Variants in IL33 observed in about 807,000 individuals in gnomAD.
IL33 encodes interleukin-33.
Under a neutral mutation model 27.3 loss-of-function variants are expected in IL33, and 37 were observed. That is an observed-to-expected ratio of 1.36 (90% confidence interval 1.04 to 1.78). IL33 has a LOEUF of 1.78. IL33 is among the 40% of genes most tolerant of loss of function. IL33 has a pLI of 0.00. For missense variants in IL33, 406 were observed against 311.4 expected (o/e 1.30, Z -2.29); for synonymous variants, 132 against 102.9 (o/e 1.28, Z -1.71).
intron 1 of IL33, among the ~76,000 whole-genome samples, chr9:6,222,013 G>A (rs1258226701): frequency 6.6e-6 from 1 of 152,168 alleles, no homozygotes; most frequent in African/African-American, 2.4e-5. Context: ...AGCTGGAGTA[G>A]CCCACAAAGG....
chr9:6,232,354 C>T (rs1818966187), intron 1 of IL33, among the ~76,000 whole-genome samples: 1 of 152,182 alleles, frequency 6.6e-6, no homozygotes, highest in African/African-American at 2.4e-5. Flanking sequence ...ATATTTCTCA[C>T]TGTTGTTGTT....
At chr9:6,216,106 C>T (rs1423463695) in intron 1 of IL33, among the ~76,000 whole-genome samples, 2 of 151,384 alleles carry the variant, frequency 1.3e-5, no homozygotes, top group Admixed American at 6.6e-5. Context: ...TAAATTCTGC[C>T]CCCTCCATGA....
At chr9:6,245,140 AT>A (rs201531327) in intron 2 of IL33, among the ~76,000 whole-genome samples, 3,630 of 152,328 alleles carry the variant, frequency 0.024, 61 homozygotes, top group Middle Eastern at 0.048. Flanking sequence ...AGCCGTCTTC[AT>A]TCATGGATCT....
intron 1 of IL33, among the ~76,000 whole-genome samples, chr9:6,240,227 G>T (rs1819452586): frequency 6.6e-6 from 1 of 152,060 alleles, no homozygotes; most frequent in African/African-American, 2.4e-5. Flanking sequence ...CAAAGTGGTT[G>T]GTGTGCATTT....
At chr9:6,217,377 G>A (rs1259708832) in intron 1 of IL33, among the ~76,000 whole-genome samples, 5 of 151,994 alleles carry the variant, frequency 3.3e-5, no homozygotes, top group African/African-American at 1.2e-4. Flanking sequence ...TTACCAAGGT[G>A]GTTTACTTTT....
At chr9:6,232,706 T>G (rs1818983675) in intron 1 of IL33, among the ~76,000 whole-genome samples, 1 of 152,182 alleles carries the variant, frequency 6.6e-6, no homozygotes, top group African/African-American at 2.4e-5. Flanking sequence ...AACTAATCTC[T>G]TTCCTTTCTG....
chr9:6,243,643 C>T (rs552112065), intron 2 of IL33, among the ~76,000 whole-genome samples: 1 of 152,324 alleles, frequency 6.6e-6, no homozygotes, highest in African/African-American at 2.4e-5. Flanking sequence ...GCATGAACCA[C>T]CGCACTTGGC....
At chr9:6,232,969 A>C (rs1818997874) in intron 1 of IL33, among the ~76,000 whole-genome samples, 2 of 152,210 alleles carry the variant, frequency 1.3e-5, no homozygotes, top group Non-Finnish European at 2.9e-5. Context: ...CATTTAAAAA[A>C]TTCCTTTTTG....
Position 6,256,533 on chromosome 9 carries a change from A to G in IL33, c.*365A>G, listed in dbSNP as rs1393653577. ...AGAGCCATAGCTTAAGTCTCTATGT[A>G]GACAGGGATCCATTTTAAAGAGCTA... is the stretch of plus-strand genomic sequence containing the variant. On this transcript the variant is annotated 3_prime_UTR_variant, in exon 8 of 8. Coordinates refer to ENST00000682010, the MANE Select transcript of IL33 (RefSeq NM_033439.4). The G allele has an allele frequency of 1.1e-5, 4 of 368,870 alleles. No individual in the cohort carries two copies. The highest frequency in any genetic ancestry group is 1.5e-5 in the Non-Finnish European group (3 of 206,116). 22.8% of individuals were successfully genotyped at this position (368,870 alleles called of 1,614,324 possible). A position where few individuals can be genotyped will look rare whatever the true frequency, so the allele number is the denominator to read the frequency against.
intron 1 of IL33, among the ~76,000 whole-genome samples, chr9:6,217,443 G>T (rs934964173): frequency 1.3e-5 from 2 of 152,062 alleles, no homozygotes; most frequent in Non-Finnish European, 2.9e-5. Context: ...AAGTTAGCTT[G>T]GCCCAAGCCC....
At chr9:6,238,822 C>T (rs1819374014) in intron 1 of IL33, among the ~76,000 whole-genome samples, 1 of 152,270 alleles carries the variant, frequency 6.6e-6, no homozygotes, top group South Asian at 2.1e-4. Context: ...CTGCTCCCTC[C>T]ACAAACCACA....
chr9:6,252,914 A>C lies in IL33; in HGVS notation c.392A>C (p.Asp131Ala). 2.5e-6 allele frequency: 4 copies of C among 1,606,932 alleles called. No individual in the cohort carries two copies. The highest frequency in any genetic ancestry group is 3.4e-6 in the Non-Finnish European group (4 of 1,174,520). Residue 131 changes from aspartate to alanine, a missense_variant, in exon 5 of 8, where the codon GAT (aspartate) becomes GCT (alanine). Transcript: ENST00000682010. ...CTTGCTTCTCTAAGCACATACAATG[A>C]TCAATCCATTACTTTTGCTTTGGAG... ...EYLASLSTYN[D>A]QSITFALEDE...
At chr9:6,225,227 C>T (rs1818577025) in intron 1 of IL33, among the ~76,000 whole-genome samples, 1 of 152,174 alleles carries the variant, frequency 6.6e-6, no homozygotes, top group Admixed American at 6.5e-5. Context: ...GGATATTGCC[C>T]TGTGTAACAA....
chr9:6,234,754 C>T (rs1210111621), intron 1 of IL33, among the ~76,000 whole-genome samples: 2 of 79,542 alleles, frequency 2.5e-5, no homozygotes, highest in Non-Finnish European at 6.2e-5. Context: ...TTCTTTTTGC[C>T]TCCGTCTCCT....
intron 1 of IL33, among the ~76,000 whole-genome samples, chr9:6,232,356 G>A (rs537172845): frequency 3.3e-5 from 5 of 152,224 alleles, no homozygotes; most frequent in African/African-American, 7.2e-5. Flanking sequence ...ATTTCTCACT[G>A]TTGTTGTTGT....
At chr9:6,225,094 A>G (rs747143464) in intron 1 of IL33, among the ~76,000 whole-genome samples, 2 of 152,056 alleles carry the variant, frequency 1.3e-5, no homozygotes, top group African/African-American at 2.4e-5. Flanking sequence ...ATTTAATCAC[A>G]TTTTCTAAAA....
At chr9:6,220,204 C>A (rs537210877) in intron 1 of IL33, among the ~76,000 whole-genome samples, 4 of 152,136 alleles carry the variant, frequency 2.6e-5, no homozygotes, top group Non-Finnish European at 4.4e-5. Flanking sequence ...CTTGGCTGAG[C>A]GCTTTACTTT....
At chr9:6,253,070 A>G in intron 5 of IL33, 79 bp downstream of exon 5, 2 of 1,005,108 alleles carry the variant, frequency 2.0e-6, no homozygotes, top group South Asian at 3.6e-5. Context: ...ACCAAACTTT[A>G]AACAATGGAT....
At chr9:6,239,122 T>A (rs1392881928) in intron 1 of IL33, among the ~76,000 whole-genome samples, 15 of 152,136 alleles carry the variant, frequency 9.9e-5, no homozygotes, top group Non-Finnish European at 1.5e-5. Context: ...AAGAGCAGCC[T>A]GAGAGATCAA....
Sources: gnomAD v4.1 joint callset for allele counts (sites outside exome capture counted in the v4.1 genomes callset) on GRCh38, gnomAD v4.1.1 for gene constraint, MANE v1.5 for transcripts, NCBI Gene and HGNC (gene_info 2026-07-23, HGNC 2026-07-21) for gene names.